PKHD1: variants seen among roughly 807,000 people sequenced by gnomAD.
The protein encoded by PKHD1 is fibrocystin.
Under a neutral mutation model 412.0 loss-of-function variants are expected in PKHD1, and 291 were observed. The ratio of observed to expected loss-of-function variants is 0.71; its 90% CI spans 0.64 to 0.78. The LOEUF (loss-of-function observed/expected upper bound fraction) is 0.78. PKHD1 is among the 30% of genes least tolerant of loss of function. The pLI, the probability that PKHD1 is intolerant of heterozygous loss-of-function variation, is 0.00. For missense variants in PKHD1, 4,825 were observed against 4,950.7 expected, an observed-to-expected ratio of 0.97 and a Z score of 0.76; for synonymous variants, 1,777 against 1,821.5, an observed-to-expected ratio of 0.98 and a Z score of 0.62.
At chr6:51,972,286 A>C (rs1219108963) in intron 35 of PKHD1, among the ~76,000 whole-genome samples, 3 of 152,186 alleles carry the variant, frequency 2.0e-5, no homozygotes, top group Non-Finnish European at 4.4e-5. Flanking sequence ...ACTTTTTCCT[A>C]GTTCTTTAAG....
At chr6:51,856,174 T>C in intron 48 of PKHD1, 104 bp from the exon 49 acceptor site, 1 of 790,334 alleles carries the variant, frequency 1.3e-6, no homozygotes. Context: ...TTCCATTCTC[T>C]CCACATATGT....
chr6:51,944,156 T>C (rs1789056970), intron 36 of PKHD1, among the ~76,000 whole-genome samples: 1 of 152,032 alleles, frequency 6.6e-6, no homozygotes, highest in Admixed American at 6.5e-5. Flanking sequence ...AGTCCTTGCC[T>C]AACTGATGAC....
intron 35 of PKHD1, among the ~76,000 whole-genome samples, chr6:51,977,018 T>A (rs80141495): frequency 0.018 from 2,808 of 151,830 alleles, 40 homozygotes; most frequent in South Asian, 0.036. Flanking sequence ...TTGGGTTCTG[T>A]AATTCTATAG....
intron 50 of PKHD1, among the ~76,000 whole-genome samples, chr6:51,846,051 T>C (rs1771084787): frequency 1.3e-5 from 2 of 152,244 alleles, no homozygotes; most frequent in Admixed American, 6.5e-5. Context: ...TGTATTCGGC[T>C]GAAGTGGTAA....
chr6:52,034,646 T>C (rs1312800133), intron 28 of PKHD1, among the ~76,000 whole-genome samples: 1 of 152,192 alleles, frequency 6.6e-6, no homozygotes, highest in Non-Finnish European at 1.5e-5. Flanking sequence ...GAATTTATAT[T>C]AATTTATCCT....
rs1796417946 is a variant in PKHD1, at chr6:51,987,998, A to C, written c.5751+22311T>G. Among the ~76,000 whole-genome samples, 3 of 152,204 alleles carry C rather than the reference A, an allele frequency of 2.0e-5. No individual in the cohort carries two copies. The South Asian group carries it at 6.2e-4, about 31-fold the overall frequency. On this transcript the variant is annotated intron_variant, in intron 35 of 66. Coordinates refer to ENST00000371117, the MANE Select transcript of PKHD1 (RefSeq NM_138694.4). ...GCTCTTAATGAGTTAATTAGTATAC[A>C]TAAAGGCTAACTCAGTGCCTGACAT...
intron 60 of PKHD1, among the ~76,000 whole-genome samples, chr6:51,742,188 G>A (rs1784639568): frequency 1.3e-5 from 2 of 152,000 alleles, no homozygotes; most frequent in African/African-American, 4.8e-5. Context: ...TCATTCTTCT[G>A]TGCAAAAAAT....
intron 2 of PKHD1, 132 bp from the exon 3 acceptor site, chr6:52,083,387 C>G (rs536420129): frequency 4.2e-6 from 3 of 715,864 alleles, no homozygotes; most frequent in East Asian, 5.4e-5. Flanking sequence ...GTGGTTGCAC[C>G]ACATCCCCAG....
intron 60 of PKHD1, chr6:51,721,142 C>G: frequency 1.0e-6 from 1 of 963,338 alleles, no homozygotes; most frequent in Non-Finnish European, 1.2e-6. Context: ...AATAATGGAA[C>G]ACTGGGCACA....
At chr6:51,915,567 C>A (rs987982203) in intron 37 of PKHD1, among the ~76,000 whole-genome samples, 16 of 152,158 alleles carry the variant, frequency 1.1e-4, no homozygotes, top group African/African-American at 3.6e-4. Flanking sequence ...ACCCCAATGT[C>A]TTGGTGTCCA....
chr6:51,888,054 G>A (rs1312634014), intron 43 of PKHD1, among the ~76,000 whole-genome samples: 2 of 152,196 alleles, frequency 1.3e-5, no homozygotes, highest in East Asian at 1.9e-4. Context: ...CCTACACAAT[G>A]TGTTCTCTCT....
chr6:51,873,104 G>C (rs1776260942), intron 46 of PKHD1, among the ~76,000 whole-genome samples: 1 of 151,878 alleles, frequency 6.6e-6, no homozygotes, highest in Admixed American at 6.6e-5. Flanking sequence ...ATTGTTGCTT[G>C]GCATTATCCA....
At chr6:51,890,119 T>C (rs188047874) in intron 43 of PKHD1, among the ~76,000 whole-genome samples, 1 of 152,266 alleles carries the variant, frequency 6.6e-6, no homozygotes, top group East Asian at 1.9e-4. Flanking sequence ...TCATTTATTT[T>C]TACAATAGTT....
chr6:51,797,299 T>C (rs748533443), intron 52 of PKHD1, among the ~76,000 whole-genome samples: 1 of 152,194 alleles, frequency 6.6e-6, no homozygotes, highest in Non-Finnish European at 1.5e-5. Flanking sequence ...GAGAGGTCTA[T>C]AGATATCTAT....
In PKHD1 at chr6:51,659,329, G is replaced by C; in HGVS notation, c.10797C>G (p.His3599Gln). 1.9e-6 allele frequency: 3 copies of C among 1,613,818 alleles called. No individual in the cohort carries two copies. The highest frequency in any genetic ancestry group is 1.7e-6 in the Non-Finnish European group (2 of 1,179,868). Reference protein sequence around the residue: ...QIGQNQIRFIHEMPGHEETLK... With the variant: ...QIGQNQIRFIQEMPGHEETLK... Reference sequence around the variant, plus strand: ...AGGTCTCTTCATGGCCAGGCATCTCGTGAATAAACCTGATTTGGTTTTGGC... The same window carrying C: ...AGGTCTCTTCATGGCCAGGCATCTCCTGAATAAACCTGATTTGGTTTTGGC... Residue 3599 changes from histidine (H) to glutamine (Q), a missense_variant, in exon 61 of 67, where the codon CAC becomes CAG. By Grantham distance (24) the His-to-Gln change is conservative. Coordinates refer to ENST00000371117, the MANE Select transcript of PKHD1 (RefSeq NM_138694.4).
At chr6:51,756,777 GA>G (rs977378473) in intron 55 of PKHD1, among the ~76,000 whole-genome samples, 2 of 151,606 alleles carry the variant, frequency 1.3e-5, no homozygotes, top group East Asian at 1.9e-4. Context: ...TGTAGTTAGG[GA>G]AAAAAAAGTC....
chr6:51,884,579 A>C (rs991686415), intron 45 of PKHD1, among the ~76,000 whole-genome samples: 1 of 152,104 alleles, frequency 6.6e-6, no homozygotes, highest in Non-Finnish European at 1.5e-5. Context: ...CAATTCCAAG[A>C]ATATTTTTAT....
chr6:51,984,985 G>T (rs1796031144), intron 35 of PKHD1, among the ~76,000 whole-genome samples: 1 of 151,248 alleles, frequency 6.6e-6, no homozygotes, highest in Non-Finnish European at 1.5e-5. Context: ...TTTGTCCAAA[G>T]ATATTTTTGT....
At chr6:51,972,656 C>A (rs1375048483) in intron 35 of PKHD1, among the ~76,000 whole-genome samples, 1 of 152,218 alleles carries the variant, frequency 6.6e-6, no homozygotes, top group Non-Finnish European at 1.5e-5. Context: ...TGGGACCTAG[C>A]CTTGTCTGCA....
Sources: gnomAD v4.1 joint callset for allele counts (sites outside exome capture counted in the v4.1 genomes callset) on GRCh38, gnomAD v4.1.1 for gene constraint, MANE v1.5 for transcripts, NCBI Gene and HGNC (gene_info 2026-07-23, HGNC 2026-07-21) for gene names.